The following DLG2 variants were observed in gnomAD, a reference collection of about 807,000 sequenced individuals.
DLG2 encodes the protein discs large MAGUK scaffold protein 2.
A neutral mutation model predicts 132.5 loss-of-function variants in DLG2; 45 were observed. That is an observed-to-expected ratio of 0.34 (90% CI 0.27 to 0.44). The LOEUF is 0.44. DLG2 is among the 20% of genes least tolerant of loss of function. DLG2 has a pLI of 1.00. For synonymous variants in DLG2, 424 were observed against 419.6 expected (o/e 1.01, Z -0.13); for missense variants, 1,045 against 1,196.9 (o/e 0.87, Z 1.87).
chr11:85,494,362 G>A (rs2093626016), intron 3 of DLG2, among the ~76,000 whole-genome samples: 1 of 152,074 alleles, frequency 6.6e-6, no homozygotes, highest in Non-Finnish European at 1.5e-5. Flanking sequence ...AAAAATTACT[G>A]AACAAAATAG....
chr11:84,002,236 A>T (rs2094386114), intron 11 of DLG2, among the ~76,000 whole-genome samples: 1 of 152,232 alleles, frequency 6.6e-6, no homozygotes, highest in Non-Finnish European at 1.5e-5. Flanking sequence ...GACCATTGAT[A>T]CATGCATTAG....
At chr11:83,999,697 G>A (rs2094240515) in intron 11 of DLG2, among the ~76,000 whole-genome samples, 1 of 152,068 alleles carries the variant, frequency 6.6e-6, no homozygotes, top group Non-Finnish European at 1.5e-5. Flanking sequence ...GAACTTCATC[G>A]TATCCTCCAC....
At chr11:83,748,835 C>A (rs1177970772) in intron 18 of DLG2, among the ~76,000 whole-genome samples, 2 of 152,112 alleles carry the variant, frequency 1.3e-5, no homozygotes, top group African/African-American at 4.8e-5. Flanking sequence ...CTACTTTGTT[C>A]CCCTCCATTT....
rs554414218 is a variant in DLG2, at chr11:85,537,530, G to A, written c.40+61127C>T. Among the ~76,000 whole-genome samples, 137 of 149,244 alleles carry A rather than the reference G, an allele frequency of 9.2e-4. 1 individual carries two copies. Among genetic ancestry groups the A allele is most frequent in the Admixed American group, 2.5e-3 (38 of 15,060 alleles). On this transcript the variant is annotated intron_variant, in intron 3 of 27. Transcript: ENST00000376104. ...GAGGGATGAACAACTCCAGACGGGAGGGATGAACAACTCCAGATGGGAGGA... is the reference window on the plus strand; with the variant it reads ...GAGGGATGAACAACTCCAGACGGGAAGGATGAACAACTCCAGATGGGAGGA...
chr11:84,546,510 T>C (rs899503326), intron 6 of DLG2: 75 of 313,718 alleles, frequency 2.4e-4, no homozygotes, highest in African/African-American at 1.5e-3. Flanking sequence ...CATGAGCTGA[T>C]ACAGCCATCA....
chr11:84,616,226 T>C (rs1394518930), intron 6 of DLG2, among the ~76,000 whole-genome samples: 1 of 152,002 alleles, frequency 6.6e-6, no homozygotes. Context: ...CAGTTTTCAG[T>C]TGACAAAATC....
In DLG2 at chr11:85,374,709, A is replaced by T. The variant is rs188568861; in HGVS notation, c.41-89344T>A. Among the ~76,000 whole-genome samples the T allele has an allele frequency of 1.8e-3, 267 of 152,324 alleles. 1 individual carries two copies. The highest frequency in any genetic ancestry group is 6.2e-3 in the African/African-American group (259 of 41,574). ...AAGAGGGTACTGGCACTCAAAACCT[A>T]GAAACCACTCAAGTACCTCACCCTA... On this transcript the variant is annotated intron_variant, in intron 3 of 27. Coordinates refer to ENST00000376104, the MANE Select transcript of DLG2 (RefSeq NM_001142699.3).
intron 6 of DLG2, among the ~76,000 whole-genome samples, chr11:85,082,256 T>TA (rs1274864299): frequency 2.0e-5 from 3 of 152,108 alleles, no homozygotes; most frequent in Non-Finnish European, 2.9e-5. Flanking sequence ...CTGCTTTTTT[T>TA]AAAAAACCTT....
At chr11:84,533,783 C>A (rs1412340897) in intron 7 of DLG2, among the ~76,000 whole-genome samples, 3 of 151,244 alleles carry the variant, frequency 2.0e-5, no homozygotes, top group Non-Finnish European at 4.4e-5. Context: ...TTGGTAGGTG[C>A]TTTTATTTTT....
chr11:85,513,297 T>TA (rs1344598170), intron 3 of DLG2, among the ~76,000 whole-genome samples: 1 of 151,784 alleles, frequency 6.6e-6, no homozygotes, highest in African/African-American at 2.4e-5. Flanking sequence ...CGTCATACAA[T>TA]ATACCCAAAT....
intron 4 of DLG2, among the ~76,000 whole-genome samples, chr11:85,242,021 C>A (rs919732918): frequency 4.6e-5 from 7 of 152,050 alleles, no homozygotes; most frequent in Non-Finnish European, 7.4e-5. Context: ...CTCCTTCTAG[C>A]AAATATCATT....
chr11:84,716,034 T>C (rs1281544162), intron 6 of DLG2, among the ~76,000 whole-genome samples: 3 of 152,126 alleles, frequency 2.0e-5, no homozygotes, highest in Non-Finnish European at 4.4e-5. Context: ...ACCAACAGTG[T>C]ACATAGGTTC....
At chr11:84,004,430 T>C (rs1414602910) in intron 11 of DLG2, among the ~76,000 whole-genome samples, 2 of 151,732 alleles carry the variant, frequency 1.3e-5, no homozygotes, top group African/African-American at 4.8e-5. Flanking sequence ...AGAGAAAAAA[T>C]ATACTTCCAA....
chr11:84,868,114 T>TTAA (rs1332610138), intron 6 of DLG2, among the ~76,000 whole-genome samples: 2 of 147,950 alleles, frequency 1.4e-5, no homozygotes, highest in African/African-American at 4.9e-5. Context: ...TTATTATATA[T>TTAA]TAATAATTAT....
intron 6 of DLG2, among the ~76,000 whole-genome samples, chr11:85,029,511 A>C (rs1262101390): frequency 6.6e-6 from 1 of 152,234 alleles, no homozygotes. Context: ...AAGTTGCCTA[A>C]ATATATAATT....
At chr11:84,440,265 A>G (rs1241481958) in intron 7 of DLG2, among the ~76,000 whole-genome samples, 3 of 152,258 alleles carry the variant, frequency 2.0e-5, no homozygotes, top group Non-Finnish European at 2.9e-5. Flanking sequence ...CAGTGCAGTT[A>G]GGACTCGTGT....
At chr11:84,612,957 T>G (rs979629298) in intron 6 of DLG2, among the ~76,000 whole-genome samples, 2 of 152,158 alleles carry the variant, frequency 1.3e-5, no homozygotes, top group Non-Finnish European at 2.9e-5. Flanking sequence ...TAATCATGGA[T>G]AGCAGCTCAT....
intron 26 of DLG2, among the ~76,000 whole-genome samples, chr11:83,463,633 A>G (rs968950626): frequency 6.6e-6 from 1 of 152,178 alleles, no homozygotes; most frequent in African/African-American, 2.4e-5. Flanking sequence ...CACAAAAAAA[A>G]TACAAACATT....
intron 4 of DLG2, among the ~76,000 whole-genome samples, chr11:85,253,996 G>A (rs2076536711): frequency 6.6e-6 from 1 of 152,106 alleles, no homozygotes; most frequent in African/African-American, 2.4e-5. Context: ...GTTTTTATGG[G>A]CACAGGATCG....
Sources: gnomAD v4.1 joint callset for allele counts (sites outside exome capture counted in the v4.1 genomes callset) on GRCh38, gnomAD v4.1.1 for gene constraint, MANE v1.5 for transcripts, NCBI Gene and HGNC (gene_info 2026-07-23, HGNC 2026-07-21) for gene names.